MTA3: variants seen among roughly 807,000 people sequenced by gnomAD.
MTA3 encodes metastasis-associated protein MTA3.
Under a neutral mutation model 83.5 loss-of-function variants are expected in MTA3, and 34 were observed. The ratio of observed to expected loss-of-function variants is 0.41; its 90% CI spans 0.31 to 0.54. MTA3 has a LOEUF of 0.54. Ranked by LOEUF, MTA3 falls within the 20% of genes least tolerant of loss-of-function variation. The probability of loss-of-function intolerance (pLI) is 0.33; values close to 1 mark genes in which losing one functional copy is unlikely to be tolerated. For missense variants in MTA3, 761 were observed against 726.4 expected (o/e 1.05, Z -0.55); for synonymous variants, 303 against 252.7 (o/e 1.20, Z -1.89).
At chr2:42,657,625 G>T (rs1689286400) in intron 7 of MTA3, among the ~76,000 whole-genome samples, 1 of 151,954 alleles carries the variant, frequency 6.6e-6, no homozygotes, top group South Asian at 2.1e-4. Context: ...TTCAATATTT[G>T]TTTTAAAAAA....
At chr2:42,578,858 G>A (rs1490781305) in intron 2 of MTA3, among the ~76,000 whole-genome samples, 3 of 152,126 alleles carry the variant, frequency 2.0e-5, no homozygotes, top group African/African-American at 4.8e-5. Context: ...AATCATTAAA[G>A]CAGTCTAATC....
intron 2 of MTA3, among the ~76,000 whole-genome samples, chr2:42,512,033 T>TA (rs1674928526): frequency 6.6e-6 from 1 of 150,794 alleles, no homozygotes. Flanking sequence ...AATAAATAAA[T>TA]AAATAAAATA....
chr2:42,728,088 C>G (rs1019153592), intron 16 of MTA3, among the ~76,000 whole-genome samples: 7 of 151,894 alleles, frequency 4.6e-5, no homozygotes, highest in African/African-American at 1.7e-4. Context: ...TTAATCATAC[C>G]TCCTACCACT....
Position 42,579,106 on chromosome 2 carries a change from G to C in MTA3, c.97-1G>C. 6.3e-7 allele frequency: 1 copy of C among 1,597,290 alleles called. No individual in the cohort carries two copies. Among genetic ancestry groups the C allele is most frequent in the Non-Finnish European group, 8.5e-7 (1 of 1,171,800 alleles). On this transcript the variant is annotated splice_acceptor_variant, in intron 2 of 16. Coordinates refer to ENST00000405094, the MANE Select transcript of MTA3 (RefSeq NM_001330442.2). LOFTEE classifies it high-confidence loss of function. ...TGACTTTTATTTTTCTTATCTCTTA[G>C]ACTGCAAGTGGCAACGTGGAAGCAA...
At chr2:42,555,684 C>T (rs1307569447) in intron 2 of MTA3, among the ~76,000 whole-genome samples, 1 of 151,850 alleles carries the variant, frequency 6.6e-6, no homozygotes, top group Non-Finnish European at 1.5e-5. Flanking sequence ...AGGAGAATGG[C>T]ATGAACCTGG....
At chr2:42,751,292 G>C (rs1332306160) in intron 16 of MTA3, among the ~76,000 whole-genome samples, 1 of 152,186 alleles carries the variant, frequency 6.6e-6, no homozygotes, top group African/African-American at 2.4e-5. Flanking sequence ...GTCAGGGCGA[G>C]TACGTACCAA....
At chr2:42,509,965 C>G (rs55714947) in intron 2 of MTA3, among the ~76,000 whole-genome samples, 2 of 152,028 alleles carry the variant, frequency 1.3e-5, no homozygotes, top group African/African-American at 4.8e-5. Context: ...GGTTAGCATT[C>G]TGGTAGAGAA....
chr2:42,510,600 A>G (rs1381723925), intron 2 of MTA3, among the ~76,000 whole-genome samples: 1 of 152,220 alleles, frequency 6.6e-6, no homozygotes, highest in Non-Finnish European at 1.5e-5. Context: ...GTCATGAAAC[A>G]AAAGAACTGC....
chr2:42,633,694 A>G (rs752569535), intron 4 of MTA3, among the ~76,000 whole-genome samples: 4 of 152,112 alleles, frequency 2.6e-5, no homozygotes, highest in Admixed American at 6.6e-5. Context: ...GATCGAGACC[A>G]TCCTGGCTAA....
chr2:42,646,906 C>A (rs1014053580), intron 6 of MTA3, among the ~76,000 whole-genome samples: 1 of 152,068 alleles, frequency 6.6e-6, no homozygotes, highest in Admixed American at 6.6e-5. Flanking sequence ...CCTGTAATCC[C>A]AGCACTTTGG....
intron 16 of MTA3, among the ~76,000 whole-genome samples, chr2:42,748,912 A>C (rs1669648161): frequency 6.6e-6 from 1 of 152,228 alleles, no homozygotes; most frequent in Non-Finnish European, 1.5e-5. Flanking sequence ...ATTAAGCCTC[A>C]CATATTTCAA....
intron 16 of MTA3, among the ~76,000 whole-genome samples, chr2:42,750,819 ACTGGTGGGACGTAGACAGTTGC>A (rs544530001): frequency 1.1e-3 from 174 of 152,270 alleles, no homozygotes; most frequent in African/African-American, 4.0e-3. Context: ...AAATATCTCG[ACTGGTGGGACGTAGACAGTTGC>A]CTGGTGGTAT....
chr2:42,749,264 G>C (rs928154784), intron 16 of MTA3, among the ~76,000 whole-genome samples: 2 of 152,192 alleles, frequency 1.3e-5, no homozygotes, highest in African/African-American at 4.8e-5. Context: ...CCTCAGCCTA[G>C]TAGACTGTAG....
At chr2:42,601,297 T>G (rs1422845115) in intron 3 of MTA3, among the ~76,000 whole-genome samples, 1 of 152,236 alleles carries the variant, frequency 6.6e-6, no homozygotes, top group Non-Finnish European at 1.5e-5. Context: ...GCATCTGTGA[T>G]TTGTTAAGTG....
intron 3 of MTA3, among the ~76,000 whole-genome samples, chr2:42,607,380 T>C (rs1683606331): frequency 6.6e-6 from 1 of 152,062 alleles, no homozygotes; most frequent in African/African-American, 2.4e-5. Flanking sequence ...TGTTCAACTT[T>C]ATTTATTTAT....
intron 4 of MTA3, among the ~76,000 whole-genome samples, chr2:42,636,232 A>C (rs551392054): frequency 6.6e-6 from 1 of 152,226 alleles, no homozygotes; most frequent in East Asian, 1.9e-4. Flanking sequence ...CCCCGCTTCA[A>C]GTTGTATCAA....
At chr2:42,604,980 C>A (rs981912366) in intron 3 of MTA3, among the ~76,000 whole-genome samples, 1 of 150,330 alleles carries the variant, frequency 6.7e-6, no homozygotes, top group African/African-American at 2.4e-5. Context: ...CCCATGTCTA[C>A]TTCTTTCCAC....
At chr2:42,673,931 G>C (rs1055775042) in intron 8 of MTA3, among the ~76,000 whole-genome samples, 1 of 152,222 alleles carries the variant, frequency 6.6e-6, no homozygotes, top group African/African-American at 2.4e-5. Context: ...GTCTCAAAGA[G>C]GAAAACACAT....
intron 2 of MTA3, among the ~76,000 whole-genome samples, chr2:42,527,052 CAAAAAAA>C (rs34030475): frequency 1.3e-4 from 6 of 45,334 alleles, no homozygotes; most frequent in African/African-American, 4.4e-4. Context: ...GACTCTGTCT[CAAAAAAA>C]AAAAAAAAAA....
Sources: allele counts gnomAD v4.1 joint callset (sites outside exome capture counted in the v4.1 genomes callset), GRCh38; gene constraint gnomAD v4.1.1; transcripts MANE v1.5; gene names NCBI Gene and HGNC (gene_info 2026-07-23, HGNC 2026-07-21).